Variants in CALN1 observed in about 807,000 individuals in gnomAD.
CALN1 encodes calcium-binding protein 8.
CALN1 carries 17 observed loss-of-function variants against 30.6 expected under a neutral mutation model. That is an observed-to-expected ratio of 0.56 (90% CI 0.38 to 0.83). CALN1 has a LOEUF of 0.83. Ranked by LOEUF, CALN1 falls within the 40% of genes least tolerant of loss-of-function variation. CALN1 has a pLI of 0.00. For synonymous variants in CALN1, 156 were observed against 131.4 expected (o/e 1.19, Z -1.28); for missense variants, 291 against 354.9 (o/e 0.82, Z 1.45).
intron 3 of CALN1, among the ~76,000 whole-genome samples, chr7:72,274,176 T>G (rs1414113108): frequency 6.6e-6 from 1 of 152,116 alleles, no homozygotes; most frequent in Non-Finnish European, 1.5e-5. Context: ...AGAAAAGAGG[T>G]AAACTTCAGA....
chr7:72,366,550 G>A (rs1054132616), intron 2 of CALN1, among the ~76,000 whole-genome samples: 1 of 150,964 alleles, frequency 6.6e-6, no homozygotes, highest in South Asian at 2.1e-4. Flanking sequence ...TGAATTTTTA[G>A]TGCTGAATTC....
the CALN1 span, among the ~76,000 whole-genome samples, chr7:72,500,269 C>CTTTTTTTTTTTTTTTTTTTT: frequency 2.3e-4 from 12 of 51,396 alleles, 2 homozygotes; most frequent in South Asian, 9.2e-4. Flanking sequence ...TTCGTTCCTT[C>CTTTTTTTTTTTTTTTTTTTT]TTTTTTTTTT....
At chr7:72,381,248 T>C (rs1804881828) in intron 2 of CALN1, among the ~76,000 whole-genome samples, 1 of 152,186 alleles carries the variant, frequency 6.6e-6, no homozygotes, top group Admixed American at 6.5e-5. Flanking sequence ...AGAGTGTAAA[T>C]TAGTTCAACC....
the CALN1 span, among the ~76,000 whole-genome samples, chr7:72,500,830 ACT>A: frequency 2.0e-5 from 3 of 151,960 alleles, no homozygotes; most frequent in South Asian, 6.2e-4. Context: ...TTCCAGATTC[ACT>A]GTGTATTAAT....
chr7:72,500,051 A>T, the CALN1 span, among the ~76,000 whole-genome samples: 1 of 144,828 alleles, frequency 6.9e-6, no homozygotes, highest in Admixed American at 7.0e-5. Flanking sequence ...AGCTGGGATT[A>T]CAGGCATGCA....
intron 3 of CALN1, among the ~76,000 whole-genome samples, chr7:72,120,376 C>G (rs918059832): frequency 1.3e-5 from 2 of 152,040 alleles, no homozygotes; most frequent in African/African-American, 4.8e-5. Context: ...AACTAGTCTG[C>G]AAAACAGCAT....
chr7:72,175,262 A>T (rs1375659585), intron 3 of CALN1, among the ~76,000 whole-genome samples: 1 of 152,056 alleles, frequency 6.6e-6, no homozygotes, highest in Non-Finnish European at 1.5e-5. Context: ...TTTAGTAGAG[A>T]CAGGGTTTCA....
chr7:71,897,328 T>C (rs966403892), intron 5 of CALN1, among the ~76,000 whole-genome samples: 7 of 152,234 alleles, frequency 4.6e-5, no homozygotes. Context: ...CCTGCTCAGC[T>C]ATTTCTTGGA....
At chr7:71,887,643 A>G (rs1409050017) in intron 5 of CALN1, among the ~76,000 whole-genome samples, 1 of 152,102 alleles carries the variant, frequency 6.6e-6, no homozygotes, top group African/African-American at 2.4e-5. Flanking sequence ...GGTAGCAAAC[A>G]TAGGGGGAGG....
chr7:72,298,778 T>C (rs1327542387), intron 2 of CALN1, among the ~76,000 whole-genome samples: 1 of 147,542 alleles, frequency 6.8e-6, no homozygotes, highest in Non-Finnish European at 1.5e-5. Context: ...TGATAGTGAC[T>C]GAGTCTCAAG....
At chr7:72,062,765 A>C (rs996557190) in intron 4 of CALN1, among the ~76,000 whole-genome samples, 1 of 152,130 alleles carries the variant, frequency 6.6e-6, no homozygotes, top group East Asian at 1.9e-4. Context: ...GATAATACAA[A>C]ACTCACCAAC....
At chr7:71,949,438 C>A (rs1796576816) in intron 5 of CALN1, among the ~76,000 whole-genome samples, 1 of 152,136 alleles carries the variant, frequency 6.6e-6, no homozygotes, top group Admixed American at 6.5e-5. Flanking sequence ...GACTGGAGTG[C>A]AGTGGTGTGA....
chr7:71,935,761 G>A (rs1795796068), intron 5 of CALN1, among the ~76,000 whole-genome samples: 1 of 152,130 alleles, frequency 6.6e-6, no homozygotes, highest in African/African-American at 2.4e-5. Flanking sequence ...CCCTCCTCCT[G>A]TACTGCCAGG....
At chr7:72,399,491 G>A (rs775082594) in intron 2 of CALN1, among the ~76,000 whole-genome samples, 16 of 151,914 alleles carry the variant, frequency 1.1e-4, no homozygotes, top group South Asian at 2.1e-4. Flanking sequence ...AGATGGTCTC[G>A]ATCTCTTGAC....
chr7:71,909,618 G>T (rs1251549160), intron 5 of CALN1, among the ~76,000 whole-genome samples: 1 of 152,188 alleles, frequency 6.6e-6, no homozygotes, highest in African/African-American at 2.4e-5. Context: ...AACAGGTCTG[G>T]TGTACAATGA....
chr7:72,359,698 G>A lies in CALN1; in HGVS notation c.119+43553C>T, dbSNP rs374777648. Among the ~76,000 whole-genome samples, 11 of 151,920 alleles carry A rather than the reference G, an allele frequency of 7.2e-5. No homozygotes were observed. The South Asian group carries it at 1.2e-3, about 17-fold the overall frequency. ...GTGAAAGTTGACCTGGATTGGGGCC[G>A]GGAAAGATGGCTCACGCCTGTAATC... On this transcript the variant is annotated intron_variant, in intron 2 of 6. Coordinates refer to ENST00000395275, the MANE Select transcript of CALN1 (RefSeq NM_031468.4).
chr7:72,008,813 G>A (rs1203056054), intron 5 of CALN1, among the ~76,000 whole-genome samples: 2 of 151,794 alleles, frequency 1.3e-5, no homozygotes, highest in Non-Finnish European at 2.9e-5. Context: ...CCGCCACCAC[G>A]CCCATCTAAT....
chr7:71,870,940 A>AG (rs1791887135), intron 5 of CALN1, among the ~76,000 whole-genome samples: 1 of 152,170 alleles, frequency 6.6e-6, no homozygotes, highest in African/African-American at 2.4e-5. Context: ...CACTTCCTAT[A>AG]GGCAAGGGAC....
In CALN1 at chr7:71,787,413, CCT is replaced by C. The variant is rs1473379067; in HGVS notation, c.*360_*361del. ...GAGTGGAGGTGACTGTGTGTTCATG[CCT>C]CTCTCTTGCTCTCTCACCATTATAC... On this transcript the variant is annotated 3_prime_UTR_variant, in exon 7 of 7. Coordinates refer to ENST00000395275, the MANE Select transcript of CALN1 (RefSeq NM_031468.4). 1 of 207,646 alleles carries C rather than the reference CCT, an allele frequency of 4.8e-6. No individual in the cohort carries two copies. The highest frequency in any genetic ancestry group is 5.0e-5 in the Admixed American group (1 of 20,012). 12.9% of individuals were successfully genotyped at this position (207,646 alleles called of 1,614,324 possible).
Sources: gnomAD v4.1 joint callset for allele counts (sites outside exome capture counted in the v4.1 genomes callset) on GRCh38, gnomAD v4.1.1 for gene constraint, MANE v1.5 for transcripts, NCBI Gene and HGNC (gene_info 2026-07-23, HGNC 2026-07-21) for gene names.